ADGRB3: variants seen among roughly 807,000 people sequenced by gnomAD.
The protein encoded by ADGRB3 is adhesion G protein-coupled receptor B3.
Under a neutral mutation model 193.4 loss-of-function variants are expected in ADGRB3, and 37 were observed. That is an observed-to-expected ratio of 0.19 (90% CI 0.15 to 0.25). The LOEUF (loss-of-function observed/expected upper bound fraction) is 0.25. Among genes scored for constraint, ADGRB3 ranks in the 10% least tolerant of loss-of-function variants. ADGRB3 has a pLI of 1.00. For missense variants in ADGRB3, 1,637 were observed against 1,852.9 expected (o/e 0.88, Z 2.14); for synonymous variants, 690 against 644.2 (o/e 1.07, Z -1.08).
At chr6:68,922,662 C>T (rs774759446) in intron 3 of ADGRB3, among the ~76,000 whole-genome samples, 9 of 152,094 alleles carry the variant, frequency 5.9e-5, no homozygotes, top group Non-Finnish European at 7.4e-5. Context: ...ATCATGTTCC[C>T]GGTATCTCCT....
At chr6:69,156,084 T>C (rs1267754925) in intron 17 of ADGRB3, among the ~76,000 whole-genome samples, 1 of 152,198 alleles carries the variant, frequency 6.6e-6, no homozygotes, top group African/African-American at 2.4e-5. Context: ...CTAGTCTCAA[T>C]TAATTAAGCC....
At chr6:68,897,398 G>C (rs1766248412) in intron 3 of ADGRB3, among the ~76,000 whole-genome samples, 1 of 133,216 alleles carries the variant, frequency 7.5e-6, no homozygotes. Context: ...AAGAAAGAAA[G>C]AGAGAGAGAG....
intron 20 of ADGRB3, among the ~76,000 whole-genome samples, chr6:69,309,013 C>T (rs895784755): frequency 3.3e-5 from 5 of 151,738 alleles, no homozygotes; most frequent in African/African-American, 1.2e-4. Context: ...GTTATGAGAA[C>T]AAGGAAAGAA....
At chr6:69,304,741 T>C (rs1023582850) in intron 20 of ADGRB3, among the ~76,000 whole-genome samples, 5 of 151,582 alleles carry the variant, frequency 3.3e-5, no homozygotes, top group Non-Finnish European at 1.5e-5. Context: ...TTCAGAGACA[T>C]AACCTTTCTT....
chr6:69,031,152 G>C (rs970458101), intron 13 of ADGRB3, among the ~76,000 whole-genome samples: 1 of 143,318 alleles, frequency 7.0e-6, no homozygotes, highest in African/African-American at 2.6e-5. Context: ...AAGAATTCTA[G>C]AGTTTCAGCC....
At chr6:69,068,276 GTC>G (rs1582436758) in intron 16 of ADGRB3, among the ~76,000 whole-genome samples, 1 of 152,098 alleles carries the variant, frequency 6.6e-6, no homozygotes, top group Admixed American at 6.6e-5. Flanking sequence ...TGTGTTACAT[GTC>G]TCTGCTATAA....
At chr6:68,917,614 G>C (rs2150240664) in intron 3 of ADGRB3, among the ~76,000 whole-genome samples, 1 of 152,180 alleles carries the variant, frequency 6.6e-6, no homozygotes, top group South Asian at 2.1e-4. Context: ...ATTTGTCCTA[G>C]TTTTCTTACT....
At chr6:68,744,337 C>T (rs1253680201) in intron 3 of ADGRB3, among the ~76,000 whole-genome samples, 1 of 152,030 alleles carries the variant, frequency 6.6e-6, no homozygotes, top group East Asian at 1.9e-4. Context: ...GGCAATTCCT[C>T]AAGGATCTAG....
chr6:69,303,048 G>A (rs901689119), intron 20 of ADGRB3, among the ~76,000 whole-genome samples: 6 of 151,928 alleles, frequency 3.9e-5, no homozygotes, highest in Non-Finnish European at 8.8e-5. Context: ...TGAGGAAGAG[G>A]ACGTAGAAGC....
intron 17 of ADGRB3, among the ~76,000 whole-genome samples, chr6:69,086,824 T>C (rs1772564186): frequency 6.6e-6 from 1 of 152,158 alleles, no homozygotes; most frequent in African/African-American, 2.4e-5. Context: ...GTGTATCTTC[T>C]TGTGGCAATA....
chr6:69,063,771 C>G (rs779034684), intron 16 of ADGRB3, among the ~76,000 whole-genome samples: 2 of 151,876 alleles, frequency 1.3e-5, no homozygotes, highest in Admixed American at 6.6e-5. Flanking sequence ...TTGTTCAGTC[C>G]TCTGTACAAA....
chr6:68,643,027 A>G (rs1768117729), intron 3 of ADGRB3, among the ~76,000 whole-genome samples: 1 of 152,214 alleles, frequency 6.6e-6, no homozygotes, highest in Admixed American at 6.5e-5. Context: ...ATAAATGATT[A>G]AAACAGTTTT....
chr6:69,218,342 A>T (rs1443960337), intron 17 of ADGRB3, among the ~76,000 whole-genome samples: 1 of 152,170 alleles, frequency 6.6e-6, no homozygotes. Flanking sequence ...AATTTTATAT[A>T]AACTGTAGCC....
At chr6:68,772,894 A>ATATATAT (rs1554191414) in intron 3 of ADGRB3, among the ~76,000 whole-genome samples, 38 of 22,812 alleles carry the variant, frequency 1.7e-3, no homozygotes, top group East Asian at 6.3e-3. Flanking sequence ...AAAAAAAAAA[A>ATATATAT]ATATATATAT....
intron 3 of ADGRB3, among the ~76,000 whole-genome samples, chr6:68,915,827 G>T (rs183753663): frequency 3.2e-4 from 49 of 152,186 alleles, no homozygotes; most frequent in Admixed American, 8.5e-4. Context: ...CAGGTGTATG[G>T]TGTGAATTTA....
At chr6:69,216,369 A>G (rs1225898113) in intron 17 of ADGRB3, among the ~76,000 whole-genome samples, 2 of 152,214 alleles carry the variant, frequency 1.3e-5, no homozygotes, top group Non-Finnish European at 2.9e-5. Flanking sequence ...AAAGCCAAGT[A>G]ATGTAATTTG....
intron 20 of ADGRB3, among the ~76,000 whole-genome samples, chr6:69,282,000 A>G (rs2127286492): frequency 6.6e-6 from 1 of 152,184 alleles, no homozygotes; most frequent in Middle Eastern, 3.4e-3. Flanking sequence ...GTAATTGACT[A>G]CCTTGCAGGC....
chr6:69,070,272 C>T (rs548557309), intron 16 of ADGRB3, among the ~76,000 whole-genome samples: 87 of 152,174 alleles, frequency 5.7e-4, no homozygotes, highest in Non-Finnish European at 1.0e-3. Context: ...AACCACCAAG[C>T]ATTCAAAAAT....
chr6:69,278,764 GTTTTGT>G (rs962968969), intron 20 of ADGRB3, among the ~76,000 whole-genome samples: 2 of 151,844 alleles, frequency 1.3e-5, no homozygotes, highest in African/African-American at 4.8e-5. Flanking sequence ...TTTGGTCTCA[GTTTTGT>G]TTTTGTTTTT....
Sources: gnomAD v4.1 joint callset for allele counts (sites outside exome capture counted in the v4.1 genomes callset) on GRCh38, gnomAD v4.1.1 for gene constraint, MANE v1.5 for transcripts, NCBI Gene and HGNC (gene_info 2026-07-23, HGNC 2026-07-21) for gene names.